MYT1L: variants seen among roughly 807,000 people sequenced by gnomAD.
The protein encoded by MYT1L is myelin transcription factor 1 like.
A neutral mutation model predicts 126.7 loss-of-function variants in MYT1L; 12 were observed. The observed-to-expected ratio is 0.09, with a 90% CI of 0.06 to 0.15. The LOEUF is 0.15. Ranked by LOEUF, MYT1L falls within the 10% of genes least tolerant of loss-of-function variation. The pLI, the probability that MYT1L is intolerant of heterozygous loss-of-function variation, is 1.00. For missense variants in MYT1L, 979 were observed against 1,585.2 expected, an observed-to-expected ratio of 0.62 and a Z score of 6.49; for synonymous variants, 541 against 604.2, an observed-to-expected ratio of 0.90 and a Z score of 1.53.
At chr2:1,874,857 G>A (rs555012906) in intron 18 of MYT1L, among the ~76,000 whole-genome samples, 9 of 152,202 alleles carry the variant, frequency 5.9e-5, no homozygotes, top group Admixed American at 2.6e-4. Flanking sequence ...TCAGGCTCGC[G>A]TGAACTTCTG....
intron 21 of MYT1L, among the ~76,000 whole-genome samples, chr2:1,836,307 C>T (rs1397419171): frequency 6.8e-6 from 1 of 148,002 alleles, no homozygotes; most frequent in African/African-American, 2.5e-5. Context: ...TCAGCCTGCC[C>T]CCCCAAGATT....
chr2:1,872,717 CAG>C (rs1342091025), intron 18 of MYT1L, among the ~76,000 whole-genome samples: 40 of 152,334 alleles, frequency 2.6e-4, no homozygotes, highest in African/African-American at 8.9e-4. Flanking sequence ...CCCTCCTCCA[CAG>C]AGTCTCAAAA....
chr2:1,928,400 G>A (rs2054508406), intron 9 of MYT1L, among the ~76,000 whole-genome samples: 1 of 152,176 alleles, frequency 6.6e-6, no homozygotes. Context: ...AACCACAGAG[G>A]CTGACAGTTT....
At chr2:1,938,740 T>C (rs772092290) in intron 9 of MYT1L, among the ~76,000 whole-genome samples, 2 of 152,240 alleles carry the variant, frequency 1.3e-5, no homozygotes, top group Non-Finnish European at 2.9e-5. Flanking sequence ...ACCCATCTTA[T>C]GCAATCAATG....
At chr2:1,904,867 C>T (rs1433470097) in intron 13 of MYT1L, among the ~76,000 whole-genome samples, 2 of 151,400 alleles carry the variant, frequency 1.3e-5, no homozygotes, top group Non-Finnish European at 2.9e-5. Context: ...GATCTCGGCT[C>T]ACTGCAAGCT....
intron 1 of MYT1L, among the ~76,000 whole-genome samples, chr2:2,299,322 A>G (rs1200636128): frequency 6.6e-6 from 1 of 152,198 alleles, no homozygotes. Flanking sequence ...CCTGGTGCCT[A>G]GCGGCCCATG....
chr2:2,061,135 G>C (rs1473664846), intron 3 of MYT1L, among the ~76,000 whole-genome samples: 2 of 152,154 alleles, frequency 1.3e-5, no homozygotes, highest in Non-Finnish European at 2.9e-5. Flanking sequence ...AGGCAGATTT[G>C]ATCCTTGCTA....
In MYT1L at chr2:2,186,715, C is replaced by T. The variant is rs114043283; in HGVS notation, c.-420-13727G>A. Among the ~76,000 whole-genome samples the T allele has an allele frequency of 9.2e-3, 1,405 of 152,276 alleles. 19 individuals are homozygous for T. The highest frequency in any genetic ancestry group is 0.027 in the African/African-American group (1,134 of 41,538). On this transcript the variant is annotated intron_variant, in intron 2 of 24. Transcript: ENST00000647738. ...CTTGACCCAATTTTTGCATAAGCAT[C>T]GCAGAATCAAAAATCTATAATTAAC... is the stretch of plus-strand genomic sequence containing the variant.
At chr2:1,920,351 G>A (rs781066516) in intron 10 of MYT1L, among the ~76,000 whole-genome samples, 16 of 152,170 alleles carry the variant, frequency 1.1e-4, no homozygotes, top group African/African-American at 9.7e-5. Flanking sequence ...GCATAAAGCC[G>A]CTGAACTTAA....
At chr2:1,927,698 G>A (rs2054418182) in intron 9 of MYT1L, among the ~76,000 whole-genome samples, 1 of 152,268 alleles carries the variant, frequency 6.6e-6, no homozygotes, top group Non-Finnish European at 1.5e-5. Context: ...AGCAAAAATC[G>A]CCCTAGACTT....
chr2:1,796,658 TTTGGGCCACG>T (rs1244249593), intron 23 of MYT1L, among the ~76,000 whole-genome samples: 2 of 151,908 alleles, frequency 1.3e-5, no homozygotes, highest in Non-Finnish European at 2.9e-5. Flanking sequence ...ATGCCTGCTG[TTTGGGCCACG>T]GGGGGCAGCA....
At chr2:2,100,081 C>T (rs2077879133) in intron 3 of MYT1L, among the ~76,000 whole-genome samples, 1 of 152,130 alleles carries the variant, frequency 6.6e-6, no homozygotes, top group Non-Finnish European at 1.5e-5. Flanking sequence ...AAAAGTGTGG[C>T]AGGTATATTA....
At position 1,922,896 on chromosome 2, in the gene MYT1L, C is replaced by T. The variant is rs1360007280; in HGVS notation, c.873G>A (p.Gln291=). ...NDRNYADSMS[Q]QDSRNMNYVM... is the part of the protein sequence containing the mutation. ...CGTAATTCATATTTCTACTGTCTTG[C>T]TGCGACATGCTGTCTGCATAATTTC... The change falls in exon 10 of 25, where the codon CAG becomes CAA. Residue 291 remains glutamine (Q), a synonymous_variant. Coordinates refer to ENST00000647738, the MANE Select transcript of MYT1L (RefSeq NM_001303052.2). The surrounding 1 kb of genome is among the most constrained non-coding windows in gnomAD (Gnocchi z 7.4). 6.2e-7 allele frequency: 1 copy of T among 1,613,930 alleles called. No homozygotes were observed. The highest frequency in any genetic ancestry group is 1.7e-5 in the Admixed American group (1 of 60,008).
intron 4 of MYT1L, among the ~76,000 whole-genome samples, chr2:2,019,212 G>A (rs1310747212): frequency 3.9e-5 from 6 of 152,026 alleles, no homozygotes; most frequent in African/African-American, 9.7e-5. Flanking sequence ...CATGGCGGGC[G>A]AGTCTTTCCC....
chr2:2,075,346 G>A (rs930156152), intron 3 of MYT1L, among the ~76,000 whole-genome samples: 1 of 152,160 alleles, frequency 6.6e-6, no homozygotes, highest in African/African-American at 2.4e-5. Flanking sequence ...ATGGGTGGAA[G>A]ATGTACCACA....
At chr2:2,026,994 AG>A (rs1189731970) in intron 4 of MYT1L, among the ~76,000 whole-genome samples, 1 of 152,140 alleles carries the variant, frequency 6.6e-6, no homozygotes, top group East Asian at 1.9e-4. Flanking sequence ...AGTGACGCCC[AG>A]AGAAGGGCAG....
At chr2:2,232,559 C>T (rs1559408250) in intron 2 of MYT1L, among the ~76,000 whole-genome samples, 2 of 152,194 alleles carry the variant, frequency 1.3e-5, no homozygotes, top group Non-Finnish European at 2.9e-5. Flanking sequence ...GAACTATGGA[C>T]AATATGTGAA....
intron 2 of MYT1L, among the ~76,000 whole-genome samples, chr2:2,272,272 C>G (rs1053329168): frequency 6.6e-6 from 1 of 152,178 alleles, no homozygotes; most frequent in African/African-American, 2.4e-5. Context: ...GGTTCCAGCC[C>G]TGTCATCGTC....
rs572360959 is a variant in MYT1L at position 1,872,534 on chromosome 2, A to C, written c.2711+14005T>G. On this transcript the variant is annotated intron_variant, in intron 18 of 24. Coordinates refer to ENST00000647738, the MANE Select transcript of MYT1L (RefSeq NM_001303052.2). ...AGTCTGAATATTTTTAAATTGTACC[A>C]TATTAGAATAAGGCAAAGATATATT... Among the ~76,000 whole-genome samples the C allele has an allele frequency of 6.6e-5, 10 of 152,340 alleles. No homozygotes were observed. The South Asian group carries it at 8.3e-4, about 13-fold the overall frequency.
Sources: allele counts gnomAD v4.1 joint callset (sites outside exome capture counted in the v4.1 genomes callset), GRCh38; gene constraint gnomAD v4.1.1; non-coding constraint Gnocchi (gnomAD v3.1); transcripts MANE v1.5; gene names NCBI Gene and HGNC (gene_info 2026-07-23, HGNC 2026-07-21).